TMEM131: variants seen among roughly 807,000 people sequenced by gnomAD.
TMEM131 encodes the protein transmembrane protein 131, also known as 2610524E03Rik.
A neutral mutation model predicts 211.6 loss-of-function variants in TMEM131; 66 were observed. The ratio of observed to expected loss-of-function variants is 0.31; its 90% CI spans 0.26 to 0.38. The LOEUF is 0.38. Ranked by LOEUF, TMEM131 falls within the 10% of genes least tolerant of loss-of-function variation. TMEM131 has a pLI of 1.00. For missense variants in TMEM131, 2,036 were observed against 2,299.3 expected, an observed-to-expected ratio of 0.89 and a Z score of 2.34; for synonymous variants, 844 against 841.3, an observed-to-expected ratio of 1.00 and a Z score of -0.06.
chr2:97,863,360 C>T lies in TMEM131; in HGVS notation c.360-3933G>A, dbSNP rs555183964. On this transcript the variant is annotated intron_variant, in intron 4 of 40. Transcript: ENST00000186436. The stretch of plus-strand genomic sequence containing the variant: ...GGCACAGATTTCTTGAGTAATACTC[C>T]GCAAGCACCAGTAACCAAAGCAAAA... Among the ~76,000 whole-genome samples the T allele has an allele frequency of 2.9e-3, 439 of 152,176 alleles. 3 individuals are homozygous for T. Among genetic ancestry groups the T allele is most frequent in the Middle Eastern group, 6.8e-3 (2 of 292 alleles).
At chr2:97,813,609 C>G (rs150412818) in intron 15 of TMEM131, among the ~76,000 whole-genome samples, 1 of 152,314 alleles carries the variant, frequency 6.6e-6, no homozygotes, top group African/African-American at 2.4e-5. Context: ...ATCATCTCTT[C>G]CCTACGTATA....
intron 1 of TMEM131, among the ~76,000 whole-genome samples, chr2:97,947,388 G>T (rs906508595): frequency 2.0e-5 from 3 of 152,018 alleles, no homozygotes; most frequent in African/African-American, 7.2e-5. Flanking sequence ...CAGGATATAG[G>T]AAAGTAGTAA....
intron 1 of TMEM131, among the ~76,000 whole-genome samples, chr2:97,931,719 C>T (rs890243086): frequency 1.3e-5 from 2 of 152,138 alleles, no homozygotes; most frequent in Non-Finnish European, 2.9e-5. Flanking sequence ...GTCAAATCAG[C>T]GATTTTTAAA....
intron 5 of TMEM131, among the ~76,000 whole-genome samples, chr2:97,854,586 G>GC (rs958346965): frequency 2.0e-5 from 3 of 152,100 alleles, no homozygotes; most frequent in Admixed American, 2.0e-4. Flanking sequence ...AAAACCTAAA[G>GC]CTACAATTTC....
intron 3 of TMEM131, among the ~76,000 whole-genome samples, chr2:97,894,808 A>C (rs1675534832): frequency 6.6e-6 from 1 of 152,210 alleles, no homozygotes; most frequent in Non-Finnish European, 1.5e-5. Flanking sequence ...CCATCATTTC[A>C]TCTGCGAACA....
At chr2:97,954,794 G>A (rs1573611225) in intron 1 of TMEM131, among the ~76,000 whole-genome samples, 2 of 75,958 alleles carry the variant, frequency 2.6e-5, no homozygotes, top group Admixed American at 2.2e-4. Context: ...AGACAAGAGT[G>A]AAACTCCATC....
chr2:97,847,756 G>A (rs571510777), intron 5 of TMEM131, among the ~76,000 whole-genome samples: 29 of 152,272 alleles, frequency 1.9e-4, no homozygotes, highest in African/African-American at 4.8e-4. Flanking sequence ...TAATGGTATC[G>A]TACTAATGCT....
chr2:97,927,811 T>C (rs554509403), intron 1 of TMEM131, among the ~76,000 whole-genome samples: 144 of 152,310 alleles, frequency 9.5e-4, no homozygotes, highest in South Asian at 1.5e-3. Flanking sequence ...GATAGATTAA[T>C]TGAAAATATC....
rs574775389 is a variant in TMEM131 at position 97,848,314 on chromosome 2, G to C, written c.484-4053C>G. On this transcript the variant is annotated intron_variant, in intron 5 of 40. Coordinates refer to ENST00000186436, the MANE Select transcript of TMEM131 (RefSeq NM_015348.2). ...CATAAACAAACAGTAGCTAAAAATG[G>C]ACTGTAGATCTAAATATAAAATCTA... 3.3e-5 allele frequency among the ~76,000 whole-genome samples: 5 copies of C among 152,266 alleles called. No homozygotes were observed. The South Asian group carries it at 1.0e-3, about 32-fold the overall frequency.
At chr2:97,829,958 A>T (rs1167114050) in intron 11 of TMEM131, among the ~76,000 whole-genome samples, 1 of 152,172 alleles carries the variant, frequency 6.6e-6, no homozygotes, top group Non-Finnish European at 1.5e-5. Context: ...AGAATTTAAA[A>T]TAGTTGATGA....
At position 97,758,907 on chromosome 2, in the gene TMEM131, T is replaced by C. The variant is rs1365915756; in HGVS notation, c.5353A>G (p.Thr1785Ala). 1 of 1,611,662 alleles carries C rather than the reference T, an allele frequency of 6.2e-7. No homozygotes were observed. The highest frequency in any genetic ancestry group is 2.2e-5 in the East Asian group (1 of 44,832). ...CAAGTACTCACTGTGGCTGTGTGGGTCGGGGAGCCGGAACTGGCTGGCCAG... is the reference window on the plus strand; with the variant it reads ...CAAGTACTCACTGTGGCTGTGTGGGCCGGGGAGCCGGAACTGGCTGGCCAG... ...PSWPASSGSP[T>A]HTATSVLGNT... Residue 1785 changes from threonine to alanine, a missense_variant, in exon 40 of 41, where the codon ACC becomes GCC. This residue lies in a region of TMEM131 where 1,623 missense variants were observed against 1,805.9 expected (regional missense o/e 0.90). Coordinates refer to ENST00000186436, the MANE Select transcript of TMEM131 (RefSeq NM_015348.2).
At chr2:97,950,044 T>C (rs1678230835) in intron 1 of TMEM131, among the ~76,000 whole-genome samples, 1 of 152,126 alleles carries the variant, frequency 6.6e-6, no homozygotes, top group Non-Finnish European at 1.5e-5. Flanking sequence ...GAGAAACACA[T>C]CACTATGTTT....
At chr2:97,800,375 G>A (rs925040139) in intron 25 of TMEM131, among the ~76,000 whole-genome samples, 1 of 152,126 alleles carries the variant, frequency 6.6e-6, no homozygotes, top group Non-Finnish European at 1.5e-5. Context: ...TCTACATCTT[G>A]TAAATATGGC....
chr2:97,773,234 T>A (rs2104806532), intron 32 of TMEM131, among the ~76,000 whole-genome samples: 1 of 152,312 alleles, frequency 6.6e-6, no homozygotes, highest in Admixed American at 6.5e-5. Context: ...TAACAGCTGC[T>A]CCATCAATGG....
intron 11 of TMEM131, among the ~76,000 whole-genome samples, chr2:97,826,298 A>G (rs1405971694): frequency 6.6e-6 from 1 of 152,224 alleles, no homozygotes; most frequent in African/African-American, 2.4e-5. Context: ...AAAAAGAATA[A>G]ATGTGTGTAT....
At chr2:97,917,593 G>A (rs1676559350) in intron 2 of TMEM131, among the ~76,000 whole-genome samples, 1 of 152,124 alleles carries the variant, frequency 6.6e-6, no homozygotes, top group African/African-American at 2.4e-5. Flanking sequence ...AGTTCTGCAG[G>A]GCTTGGGACG....
chr2:97,877,742 C>T (rs1039313618), intron 4 of TMEM131, among the ~76,000 whole-genome samples: 3 of 152,164 alleles, frequency 2.0e-5, no homozygotes, highest in African/African-American at 7.2e-5. Flanking sequence ...TGACCTAGGA[C>T]CATAAAAATC....
At chr2:97,954,588 T>C (rs1263000727) in intron 1 of TMEM131, among the ~76,000 whole-genome samples, 1 of 152,134 alleles carries the variant, frequency 6.6e-6, no homozygotes. Context: ...GTGGATCACC[T>C]GAGGTCAGGA....
intron 2 of TMEM131, chr2:97,913,077 A>C (rs1368253917): frequency 6.6e-6 from 1 of 152,176 alleles, no homozygotes; most frequent in Non-Finnish European, 1.5e-5. Flanking sequence ...TATTAACACC[A>C]AAAAACATGC....
Sources: allele counts gnomAD v4.1 joint callset (sites outside exome capture counted in the v4.1 genomes callset), GRCh38; gene constraint gnomAD v4.1.1; regional missense constraint gnomAD v4.1.1; transcripts MANE v1.5; gene names NCBI Gene and HGNC (gene_info 2026-07-23, HGNC 2026-07-21).